The following TOR1AIP1 variants were observed in gnomAD, a reference collection of about 807,000 sequenced individuals.
TOR1AIP1 encodes the protein torsin 1A interacting protein 1, also known as torsin-1A-interacting protein 1.
TOR1AIP1 carries 54 observed loss-of-function variants against 63.3 expected under a neutral mutation model. The ratio of observed to expected loss-of-function variants is 0.85; its 90% CI spans 0.69 to 1.07. The LOEUF (loss-of-function observed/expected upper bound fraction) is 1.07. TOR1AIP1 is among the 50% of genes least tolerant of loss of function. The pLI is 0.00. For synonymous variants in TOR1AIP1, 294 were observed against 273.5 expected, an observed-to-expected ratio of 1.07 and a Z score of -0.74; for missense variants, 736 against 715.0, an observed-to-expected ratio of 1.03 and a Z score of -0.33.
intron 3 of TOR1AIP1, among the ~76,000 whole-genome samples, chr1:179,894,477 A>T (rs1648203813): frequency 6.6e-6 from 1 of 152,108 alleles, no homozygotes; most frequent in Non-Finnish European, 1.5e-5. Context: ...ACCTGAGGTC[A>T]GGAGTTCAAG....
At chr1:179,914,742 C>T (rs1025055867) in intron 9 of TOR1AIP1, among the ~76,000 whole-genome samples, 1 of 150,490 alleles carries the variant, frequency 6.6e-6, no homozygotes, top group Non-Finnish European at 1.5e-5. Flanking sequence ...TGCAGTGAGC[C>T]GAGATTGTGC....
intron 8 of TOR1AIP1, among the ~76,000 whole-genome samples, chr1:179,909,147 C>T (rs182318318): frequency 6.6e-5 from 10 of 150,920 alleles, no homozygotes; most frequent in Admixed American, 2.0e-4. Flanking sequence ...GGCGACAGAG[C>T]GAGACTCCAT....
In TOR1AIP1 at chr1:179,917,885, C is replaced by T. The variant is rs1649071333; in HGVS notation, c.1398C>T (p.Ser466=). Residue 466 remains serine, a synonymous_variant, in exon 10 of 10, where the codon AGC becomes AGT. Coordinates refer to ENST00000606911, the MANE Select transcript of TOR1AIP1 (RefSeq NM_015602.4). ...TVKLEVDQEL[S]NGFKNGQNAA... is the part of the protein sequence containing the mutation. ...AACTAGAGGTAGACCAAGAACTGAG[C>T]AATGGATTTAAGAATGGCCAGAATG... 3.7e-6 allele frequency: 6 copies of T among 1,614,198 alleles called. No individual in the cohort carries two copies. The East Asian group carries it at 1.3e-4, about 36-fold the overall frequency.
At chr1:179,886,638 A>C (rs1472115478) in intron 2 of TOR1AIP1, among the ~76,000 whole-genome samples, 19 of 152,202 alleles carry the variant, frequency 1.2e-4, no homozygotes, top group Non-Finnish European at 1.9e-4. Flanking sequence ...TTTCTCAAGA[A>C]GCTTATGCTA....
intron 6 of TOR1AIP1, among the ~76,000 whole-genome samples, 156 bp from the exon 7 acceptor site, chr1:179,907,667 A>G (rs898132454): frequency 7.2e-6 from 1 of 139,812 alleles, no homozygotes; most frequent in African/African-American, 2.6e-5. Context: ...ATATATATAT[A>G]CTTTATATAT....
intron 8 of TOR1AIP1, chr1:179,913,522 C>T: frequency 1.4e-6 from 1 of 698,528 alleles, no homozygotes; most frequent in Non-Finnish European, 2.6e-6. Context: ...TATTAAAACA[C>T]CTTATCCAGA....
Position 179,913,444 on chromosome 1 carries a change from T to C in TOR1AIP1, c.908-554T>C, listed in dbSNP as rs141904319. 8.8e-4 allele frequency: 525 copies of C among 598,004 alleles called. 1 individual carries two copies. Among genetic ancestry groups the C allele is most frequent in the African/African-American group, 5.1e-3 (275 of 53,812 alleles). 37.0% of individuals were successfully genotyped at this position (598,004 alleles called of 1,614,324 possible). A position where few individuals can be genotyped will look rare whatever the true frequency, so the allele number is the denominator to read the frequency against. On this transcript the variant is annotated intron_variant, in intron 8 of 9. Transcript: ENST00000606911. ...TTTAAAATACTACTAGTATTTGAAA[T>C]GGTCAGAATCCCCAGAGGAAATACT...
At chr1:179,892,090 G>A (rs550205328) in intron 3 of TOR1AIP1, among the ~76,000 whole-genome samples, 107 of 152,238 alleles carry the variant, frequency 7.0e-4, no homozygotes, top group African/African-American at 2.5e-3. Context: ...GAGCCAAAAG[G>A]GAAACGCTTC....
intron 3 of TOR1AIP1, 48 bp downstream of exon 3, chr1:179,889,417 T>C: frequency 6.7e-7 from 1 of 1,482,266 alleles, no homozygotes; most frequent in Non-Finnish European, 9.4e-7. Flanking sequence ...AAATACAGTT[T>C]TATTTTTAAA....
chr1:179,882,659 G>A lies in TOR1AIP1; in HGVS notation c.157G>A (p.Gly53Ser), dbSNP rs940544997. ...PAYRTPPSRQGRREVRFSDEP... is the reference protein window; with the variant it reads ...PAYRTPPSRQSRREVRFSDEP... ...GTACAGAACTCCTCCGTCGCGCCAG[G>A]GCCGGCGGGAAGTGAGGTTCTCGGA... Residue 53 changes from glycine (G) to serine (S), a missense_variant, in exon 1 of 10, where the codon GGC becomes AGC. Physicochemically the swap from Gly to Ser is moderately conservative, Grantham distance 56. Coordinates refer to ENST00000606911, the MANE Select transcript of TOR1AIP1 (RefSeq NM_015602.4). 2.5e-6 allele frequency: 4 copies of A among 1,586,068 alleles called. No individual in the cohort carries two copies. Among genetic ancestry groups the A allele is most frequent in the South Asian group, 1.1e-5 (1 of 87,536 alleles).
chr1:179,887,448 A>T (rs1167830940), intron 2 of TOR1AIP1, among the ~76,000 whole-genome samples: 1 of 152,188 alleles, frequency 6.6e-6, no homozygotes, highest in Non-Finnish European at 1.5e-5. Flanking sequence ...ACAACATAGT[A>T]AAAATATCTA....
chr1:179,884,637 T>C, intron 1 of TOR1AIP1, 55 bp from the exon 2 acceptor site: 1 of 1,423,336 alleles, frequency 7.0e-7, no homozygotes, highest in Non-Finnish European at 9.7e-7. Flanking sequence ...ATCTGTGCCA[T>C]GATCTCCCAG....
At chr1:179,914,242 C>T (rs1334358283) in intron 9 of TOR1AIP1, among the ~76,000 whole-genome samples, 188 bp downstream of exon 9, 1 of 152,174 alleles carries the variant, frequency 6.6e-6, no homozygotes, top group Non-Finnish European at 1.5e-5. Context: ...TATGAGACAA[C>T]ATCTGGTATT....
At chr1:179,916,622 G>C (rs959445757) in intron 9 of TOR1AIP1, among the ~76,000 whole-genome samples, 2 of 151,498 alleles carry the variant, frequency 1.3e-5, no homozygotes, top group Admixed American at 1.3e-4. Context: ...TACCACAAAA[G>C]GCATCAGTGA....
chr1:179,882,655 C>T lies in TOR1AIP1; in HGVS notation c.153C>T (p.Arg51=). 1 of 1,582,550 alleles carries T rather than the reference C, an allele frequency of 6.3e-7. No individual in the cohort carries two copies. Among genetic ancestry groups the T allele is most frequent in the Non-Finnish European group, 8.6e-7 (1 of 1,164,104 alleles). Residue 51 remains arginine, a synonymous_variant, in exon 1 of 10, where the codon CGC becomes CGT. Transcript: ENST00000606911. ...CTGCGTACAGAACTCCTCCGTCGCG[C>T]CAGGGCCGGCGGGAAGTGAGGTTCT... The part of the protein sequence containing the change: ...DAPAYRTPPS[R]QGRREVRFSD...
rs200993053 is a variant in TOR1AIP1 at position 179,889,312 on chromosome 1, G to C, written c.554-1G>C. 1 of 1,597,738 alleles carries C rather than the reference G, an allele frequency of 6.3e-7. No individual in the cohort carries two copies. The highest frequency in any genetic ancestry group is 1.7e-5 in the Admixed American group (1 of 59,786). On this transcript the variant is annotated splice_acceptor_variant, in intron 2 of 9. Coordinates refer to ENST00000606911, the MANE Select transcript of TOR1AIP1 (RefSeq NM_015602.4). LOFTEE classifies it high-confidence loss of function. ...AATGTTTTCTCTTCCTATATTAGCA[G>C]TGAGTGAAGATCTTGTAATCAGGTT...
chr1:179,907,692 TTGA>T, intron 6 of TOR1AIP1, 128 bp from the exon 7 acceptor site: 1 of 446,208 alleles, frequency 2.2e-6, no homozygotes, highest in South Asian at 4.7e-5. Flanking sequence ...ATGCTTGGAA[TTGA>T]TGAGAGAATG....
intron 9 of TOR1AIP1, 57 bp downstream of exon 9, chr1:179,914,111 T>C (rs1355372783): frequency 3.3e-6 from 5 of 1,506,150 alleles, no homozygotes; most frequent in Non-Finnish European, 4.6e-6. Context: ...TATTCCATAA[T>C]TGTTTAAAAA....
chr1:179,889,064 C>T (rs938386404), intron 2 of TOR1AIP1, among the ~76,000 whole-genome samples: 3 of 152,138 alleles, frequency 2.0e-5, no homozygotes, highest in Admixed American at 1.3e-4. Flanking sequence ...CCTACAGCTA[C>T]GGTTTGCTGA....
Sources: gnomAD v4.1 joint callset for allele counts (sites outside exome capture counted in the v4.1 genomes callset) on GRCh38, gnomAD v4.1.1 for gene constraint, MANE v1.5 for transcripts, NCBI Gene and HGNC (gene_info 2026-07-23, HGNC 2026-07-21) for gene names.